Variants in NRXN3 observed in about 807,000 individuals in gnomAD.
NRXN3 encodes the protein neurexin 3.
Under a neutral mutation model 137.6 loss-of-function variants are expected in NRXN3, and 32 were observed. The ratio of observed to expected loss-of-function variants is 0.23; its 90% CI spans 0.18 to 0.31. The LOEUF (loss-of-function observed/expected upper bound fraction) is 0.31, where lower values mean the gene tolerates loss of function less well. Among genes scored for constraint, NRXN3 ranks in the 10% least tolerant of loss-of-function variants. NRXN3 has a pLI of 1.00. For synonymous variants in NRXN3, 798 were observed against 784.5 expected (o/e 1.02, Z -0.29); for missense variants, 1,574 against 2,062.5 (o/e 0.76, Z 4.59).
intron 15 of NRXN3, among the ~76,000 whole-genome samples, chr14:79,264,721 A>G (rs2078183035): frequency 1.3e-5 from 2 of 152,316 alleles, no homozygotes; most frequent in East Asian, 1.9e-4. Flanking sequence ...AGAGAACACA[A>G]TTCAGTCTGT....
At chr14:79,781,484 CA>C (rs1464130205) in intron 19 of NRXN3, among the ~76,000 whole-genome samples, 1 of 152,226 alleles carries the variant, frequency 6.6e-6, no homozygotes, top group Non-Finnish European at 1.5e-5. Context: ...GCTCATGCTT[CA>C]TGAAAGTATA....
At chr14:78,703,223 G>T (rs937237989) in intron 6 of NRXN3, among the ~76,000 whole-genome samples, 1 of 152,218 alleles carries the variant, frequency 6.6e-6, no homozygotes, top group Non-Finnish European at 1.5e-5. Context: ...GACTTGTGCT[G>T]TACAAAGATA....
chr14:79,765,343 C>T (rs917811126), intron 19 of NRXN3, among the ~76,000 whole-genome samples: 9 of 151,988 alleles, frequency 5.9e-5, no homozygotes, highest in Non-Finnish European at 1.3e-4. Context: ...ATCTTGCAAA[C>T]TCTGCATAAA....
At chr14:79,366,378 C>T (rs1254868721) in intron 15 of NRXN3, among the ~76,000 whole-genome samples, 3 of 152,056 alleles carry the variant, frequency 2.0e-5, no homozygotes, top group Non-Finnish European at 4.4e-5. Flanking sequence ...ACTATAGTCA[C>T]CCTGTTGTGC....
intron 6 of NRXN3, among the ~76,000 whole-genome samples, chr14:78,653,064 G>A (rs1428687163): frequency 6.6e-6 from 1 of 152,192 alleles, no homozygotes; most frequent in Non-Finnish European, 1.5e-5. Context: ...GGGTAGAAAA[G>A]AGAGACATAA....
intron 16 of NRXN3, among the ~76,000 whole-genome samples, chr14:79,612,480 G>A (rs978090759): frequency 2.0e-5 from 3 of 152,182 alleles, no homozygotes; most frequent in African/African-American, 7.2e-5. Context: ...CTGATGGAAA[G>A]TGGGGGCAAG....
intron 15 of NRXN3, among the ~76,000 whole-genome samples, chr14:79,061,153 A>G (rs2099673751): frequency 6.6e-6 from 1 of 152,258 alleles, no homozygotes; most frequent in South Asian, 2.1e-4. Context: ...AGAATTTATT[A>G]AGTACCTTCT....
At chr14:79,524,741 C>T (rs1445579688) in intron 16 of NRXN3, among the ~76,000 whole-genome samples, 1 of 152,106 alleles carries the variant, frequency 6.6e-6, no homozygotes, top group Admixed American at 6.5e-5. Context: ...AAAGTGTACA[C>T]ATTTATTTAA....
intron 15 of NRXN3, among the ~76,000 whole-genome samples, chr14:79,300,920 C>G (rs553566242): frequency 2.0e-5 from 3 of 152,104 alleles, no homozygotes; most frequent in South Asian, 4.1e-4. Flanking sequence ...TTTGCCAGAG[C>G]AGGGATTATA....
intron 6 of NRXN3, among the ~76,000 whole-genome samples, chr14:78,690,843 T>A (rs150467325): frequency 1.5e-3 from 229 of 152,320 alleles, no homozygotes; most frequent in African/African-American, 5.4e-3. Context: ...TTTAGGTGGA[T>A]GAATTGTTCC....
intron 15 of NRXN3, among the ~76,000 whole-genome samples, chr14:79,188,513 A>C (rs1258725960): frequency 1.3e-5 from 2 of 152,128 alleles, no homozygotes. Flanking sequence ...TAGTTAATGG[A>C]TCTCCAGACA....
chr14:78,173,992 C>T (rs1010088438), intron 1 of NRXN3, among the ~76,000 whole-genome samples: 1 of 152,030 alleles, frequency 6.6e-6, no homozygotes, highest in African/African-American at 2.4e-5. Context: ...TCTCCGCAAC[C>T]GCGGTCTTCT....
chr14:78,454,944 CT>C (rs796779291), intron 4 of NRXN3, among the ~76,000 whole-genome samples: 27 of 152,276 alleles, frequency 1.8e-4, no homozygotes, highest in South Asian at 6.2e-4. Context: ...CTGCCATAGG[CT>C]TGTTTGTGTT....
At chr14:79,251,260 A>C (rs987954458) in intron 15 of NRXN3, among the ~76,000 whole-genome samples, 1 of 152,172 alleles carries the variant, frequency 6.6e-6, no homozygotes, top group African/African-American at 2.4e-5. Context: ...TAAGAACTGC[A>C]TTAGTATGCC....
intron 4 of NRXN3, among the ~76,000 whole-genome samples, chr14:78,350,437 G>C (rs759546610): frequency 6.6e-6 from 1 of 152,102 alleles, no homozygotes; most frequent in African/African-American, 2.4e-5. Flanking sequence ...CCCAACAAAA[G>C]CATGTAGGAG....
chr14:78,467,397 A>T (rs1250542363), intron 4 of NRXN3, among the ~76,000 whole-genome samples: 1 of 152,258 alleles, frequency 6.6e-6, no homozygotes, highest in African/African-American at 2.4e-5. Context: ...ACACAAGCAC[A>T]ATAAAATTAA....
chr14:79,109,067 A>G (rs1461451284), intron 15 of NRXN3, among the ~76,000 whole-genome samples: 2 of 152,168 alleles, frequency 1.3e-5, no homozygotes, highest in Admixed American at 1.3e-4. Context: ...ATGTCCAAAG[A>G]CGTTATTCTT....
intron 15 of NRXN3, among the ~76,000 whole-genome samples, chr14:79,191,666 C>T (rs1454297039): frequency 6.6e-6 from 1 of 152,132 alleles, no homozygotes; most frequent in African/African-American, 2.4e-5. Flanking sequence ...ATTTGCCAGG[C>T]ATGTGACATA....
chr14:79,233,004 A>G (rs1289651399), intron 15 of NRXN3, among the ~76,000 whole-genome samples: 1 of 152,198 alleles, frequency 6.6e-6, no homozygotes, highest in Non-Finnish European at 1.5e-5. Flanking sequence ...TTCATTAAAT[A>G]TAAACTACTT....
Sources: allele counts gnomAD v4.1 joint callset (sites outside exome capture counted in the v4.1 genomes callset), GRCh38; gene constraint gnomAD v4.1.1; transcripts MANE v1.5; gene names NCBI Gene and HGNC (gene_info 2026-07-23, HGNC 2026-07-21).